UNC5A: variants seen among roughly 807,000 people sequenced by gnomAD.
UNC5A encodes the protein unc-5 netrin receptor A.
A neutral mutation model predicts 87.4 loss-of-function variants in UNC5A; 20 were observed. The ratio of observed to expected loss-of-function variants is 0.23; its 90% CI spans 0.16 to 0.33. The LOEUF (loss-of-function observed/expected upper bound fraction) is 0.33, where lower values mean the gene tolerates loss of function less well. Ranked by LOEUF, UNC5A falls within the 10% of genes least tolerant of loss-of-function variation. The pLI is 1.00. For synonymous variants in UNC5A, 438 were observed against 482.3 expected (o/e 0.91, Z 1.20); for missense variants, 844 against 1,133.4 (o/e 0.74, Z 3.67).
chr5:176,846,514 A>C (rs539229002), intron 1 of UNC5A, among the ~76,000 whole-genome samples: 31 of 152,300 alleles, frequency 2.0e-4, no homozygotes, highest in African/African-American at 7.0e-4. Context: ...CATCTTATAC[A>C]GCTTGGTGAC....
At chr5:176,877,155 C>A (rs756817142) in intron 8 of UNC5A, 37 bp from the exon 9 acceptor site, 1 of 1,528,846 alleles carries the variant, frequency 6.5e-7, no homozygotes, top group Non-Finnish European at 9.0e-7. Context: ...GGTGCTTTGG[C>A]AGTGGGTAAG....
At chr5:176,814,209 A>G (rs978511796) in intron 1 of UNC5A, among the ~76,000 whole-genome samples, 4 of 152,140 alleles carry the variant, frequency 2.6e-5, no homozygotes, top group African/African-American at 9.7e-5. Context: ...CAGGCTGGAA[A>G]TCTGCTAGAA....
At chr5:176,858,722 A>AGAAG (rs397968461) in intron 1 of UNC5A, among the ~76,000 whole-genome samples, 573 of 49,862 alleles carry the variant, frequency 0.011, 21 homozygotes, top group East Asian at 0.061. Flanking sequence ...AGAGAGAGAG[A>AGAAG]GAAGGAAGGA....
chr5:176,833,807 C>T (rs1757082166), intron 1 of UNC5A, among the ~76,000 whole-genome samples: 2 of 151,184 alleles, frequency 1.3e-5, no homozygotes, highest in East Asian at 1.9e-4. Flanking sequence ...CTCCTGGGTT[C>T]GCGCCATTTT....
intron 1 of UNC5A, among the ~76,000 whole-genome samples, chr5:176,818,444 A>G (rs1336640255): frequency 6.6e-6 from 1 of 152,220 alleles, no homozygotes; most frequent in Non-Finnish European, 1.5e-5. Flanking sequence ...CCTGGGGGCT[A>G]TAGACTGTTA....
intron 1 of UNC5A, among the ~76,000 whole-genome samples, chr5:176,834,061 T>A (rs537256534): frequency 6.6e-6 from 1 of 152,190 alleles, no homozygotes; most frequent in Non-Finnish European, 1.5e-5. Context: ...TAAATGTTTG[T>A]GGAGTGCCGC....
intron 1 of UNC5A, among the ~76,000 whole-genome samples, chr5:176,854,686 T>C (rs1488615392): frequency 2.6e-5 from 4 of 152,232 alleles, no homozygotes; most frequent in Non-Finnish European, 5.9e-5. Flanking sequence ...TTCTAGCCCT[T>C]CGTTCCTGGG....
chr5:176,829,628 G>C (rs556647577), intron 1 of UNC5A, among the ~76,000 whole-genome samples: 2 of 152,016 alleles, frequency 1.3e-5, no homozygotes, highest in African/African-American at 4.8e-5. Flanking sequence ...GGAGGTGGAT[G>C]GATGGGTAGA....
At chr5:176,877,502 C>T in intron 9 of UNC5A, 33 bp from the exon 10 acceptor site, 1 of 1,558,922 alleles carries the variant, frequency 6.4e-7, no homozygotes, top group East Asian at 2.3e-5. Context: ...CCACTGACAC[C>T]TTTCCCTCCC....
chr5:176,823,295 A>G (rs1756773806), intron 1 of UNC5A, among the ~76,000 whole-genome samples: 1 of 152,038 alleles, frequency 6.6e-6, no homozygotes, highest in South Asian at 2.1e-4. Flanking sequence ...AAAGAGCAAG[A>G]GGCTCCGCCC....
chr5:176,852,958 G>A (rs554793796), intron 1 of UNC5A, among the ~76,000 whole-genome samples: 1 of 152,376 alleles, frequency 6.6e-6, no homozygotes, highest in Admixed American at 6.5e-5. Flanking sequence ...ATGACCTCAG[G>A]TGGTGGCAGG....
chr5:176,874,718 A>G lies in UNC5A; in HGVS notation c.1378+152A>G. 1 of 892,964 alleles carries G rather than the reference A, an allele frequency of 1.1e-6. No homozygotes were observed. The highest frequency in any genetic ancestry group is 3.1e-5 in the East Asian group (1 of 32,376). 55.3% of individuals were successfully genotyped at this position (892,964 alleles called of 1,614,324 possible). A position where few individuals can be genotyped will look rare whatever the true frequency, so the allele number is the denominator to read the frequency against. On this transcript the variant is annotated intron_variant, in intron 8 of 14. Coordinates refer to ENST00000329542, the MANE Select transcript of UNC5A (RefSeq NM_133369.3). This position sits in a 1 kb window ranked among gnomAD's most constrained non-coding sequence, Gnocchi z 7.6. ...TGGGGAGAACCCAGTCTTGGCTGGC[A>G]CCGAGGCCGTGGCCAGAGCTGTCTT...
chr5:176,855,701 C>A (rs1757650701), intron 1 of UNC5A, among the ~76,000 whole-genome samples: 2 of 152,236 alleles, frequency 1.3e-5, no homozygotes, highest in African/African-American at 4.8e-5. Flanking sequence ...GTGGCACTCC[C>A]CATGCCCGGA....
At chr5:176,870,078 T>A (rs1029228859) in intron 5 of UNC5A, among the ~76,000 whole-genome samples, 10 of 152,004 alleles carry the variant, frequency 6.6e-5, no homozygotes, top group African/African-American at 2.4e-4. Flanking sequence ...TTCAGAAGGG[T>A]CAACGTGTGA....
rs1290223791 is a variant in UNC5A at position 176,874,098 on chromosome 5, T to C, written c.1017T>C (p.Ala339=). ...AGGAGGGGCTGGACTCAGATGTGGC[T>C]GACTCGTCCATTCTCACCTCAGGCT... ...RKKEGLDSDV[A]DSSILTSGFQ... The change falls in exon 7 of 15, where the codon GCT becomes GCC. Residue 339 remains alanine, a synonymous_variant. Transcript: ENST00000329542. This position sits in a 1 kb window ranked among gnomAD's most constrained non-coding sequence, Gnocchi z 7.6. 2 of 1,614,072 alleles carry C rather than the reference T, an allele frequency of 1.2e-6. No individual in the cohort carries two copies. Among genetic ancestry groups the C allele is most frequent in the Admixed American group, 3.3e-5 (2 of 60,014 alleles).
intron 1 of UNC5A, among the ~76,000 whole-genome samples, chr5:176,837,156 C>T (rs1757167104): frequency 6.6e-6 from 1 of 152,126 alleles, no homozygotes. Flanking sequence ...CCCCTTTAAA[C>T]TCCATGCTGT....
rs922021244 is a variant in UNC5A at position 176,849,132 on chromosome 5, C to T, written c.71-13492C>T. Among the ~76,000 whole-genome samples, 53 of 152,220 alleles carry T rather than the reference C, an allele frequency of 3.5e-4. 1 individual carries two copies. Among genetic ancestry groups the T allele is most frequent in the Non-Finnish European group, 2.1e-4 (14 of 68,042 alleles). ...TTCCCTTGCCTTGCTGTGACCCTGA[C>T]TGGTAAAGTCGGAAGAGGCCTTGGA... is the stretch of plus-strand genomic sequence containing the variant. On this transcript the variant is annotated intron_variant, in intron 1 of 14. Coordinates refer to ENST00000329542, the MANE Select transcript of UNC5A (RefSeq NM_133369.3).
Position 176,838,666 on chromosome 5 carries a change from G to A in UNC5A, c.71-23958G>A, listed in dbSNP as rs965829777. On this transcript the variant is annotated intron_variant, in intron 1 of 14. Transcript: ENST00000329542. The surrounding 1 kb of genome is among the most constrained non-coding windows in gnomAD (Gnocchi z 4.2). ...TTGGCCATATCCTCGGCTTCCCCAG[G>A]GCATCCCCTAACATCTCTACACTCT... 2.0e-5 allele frequency among the ~76,000 whole-genome samples: 3 copies of A among 152,154 alleles called. No individual in the cohort carries two copies. Among genetic ancestry groups the A allele is most frequent in the Non-Finnish European group, 4.4e-5 (3 of 68,028 alleles).
rs1758402288 is a variant in UNC5A, at chr5:176,880,802, A to G, written c.*916A>G. 2.9e-6 allele frequency: 1 copy of G among 349,718 alleles called. No individual in the cohort carries two copies. The highest frequency in any genetic ancestry group is 2.1e-5 in the African/African-American group (1 of 46,762). The allele number at this position is 349,718 out of a possible 1,614,324, so 21.7% of individuals were successfully genotyped here. On this transcript the variant is annotated 3_prime_UTR_variant, in exon 15 of 15. Coordinates refer to ENST00000329542, the MANE Select transcript of UNC5A (RefSeq NM_133369.3). ...TTGTCTTAAGTGCATTCACGCACTT[A>G]CTCTTGGCCTTATGTACACAGCCTT...
Sources: allele counts gnomAD v4.1 joint callset (sites outside exome capture counted in the v4.1 genomes callset), GRCh38; gene constraint gnomAD v4.1.1; non-coding constraint Gnocchi (gnomAD v3.1); transcripts MANE v1.5; gene names NCBI Gene and HGNC (gene_info 2026-07-23, HGNC 2026-07-21).